The following TMEM87B variants were observed in gnomAD, a reference collection of about 807,000 sequenced individuals.
The protein encoded by TMEM87B is transmembrane protein 87B.
In TMEM87B, 83 loss-of-function variants were observed where a neutral mutation model predicts 80.3. That is an observed-to-expected ratio of 1.03 (90% CI 0.87 to 1.24). The LOEUF (loss-of-function observed/expected upper bound fraction) is 1.24, where lower values mean the gene tolerates loss of function less well. TMEM87B is among the 50% of genes most tolerant of loss of function. TMEM87B has a pLI of 0.00. For missense variants in TMEM87B, 625 were observed against 674.4 expected, an observed-to-expected ratio of 0.93 and a Z score of 0.81; for synonymous variants, 219 against 230.5, an observed-to-expected ratio of 0.95 and a Z score of 0.45.
chr2:112,116,464 C>A lies in TMEM87B; in HGVS notation c.*321C>A. 1 of 212,710 alleles carries A rather than the reference C, an allele frequency of 4.7e-6. No individual in the cohort carries two copies. Among genetic ancestry groups the A allele is most frequent in the Non-Finnish European group, 9.2e-6 (1 of 108,404 alleles). 13.2% of individuals were successfully genotyped at this position (212,710 alleles called of 1,614,324 possible). ...TCCCTCTTTTCTCTGGAACATATGA[C>A]AATTCCAGATTAAAGAAAAATGTTT... is the stretch of plus-strand genomic sequence containing the variant. On this transcript the variant is annotated 3_prime_UTR_variant, in exon 19 of 19. Coordinates refer to ENST00000283206, the MANE Select transcript of TMEM87B (RefSeq NM_032824.3).
At chr2:112,066,850 G>T in intron 3 of TMEM87B, 86 bp from the exon 4 acceptor site, 1 of 1,195,502 alleles carries the variant, frequency 8.4e-7, no homozygotes, top group Non-Finnish European at 1.1e-6. Context: ...ATATACTTTT[G>T]GTATTATTTA....
chr2:112,081,047 T>C lies in TMEM87B; in HGVS notation c.593-10T>C, dbSNP rs752537578. ...ACTGTTAATTAACTCTCTCTTCTTC[T>C]CTATCCTAGTTTCTCTTTCTATGAT... is the stretch of plus-strand genomic sequence containing the variant. On this transcript the variant is annotated splice_polypyrimidine_tract_variant and intron_variant, in intron 6 of 18. Coordinates refer to ENST00000283206, the MANE Select transcript of TMEM87B (RefSeq NM_032824.3). 3 of 1,609,740 alleles carry C rather than the reference T, an allele frequency of 1.9e-6. No homozygotes were observed. The South Asian group carries it at 3.3e-5, about 18-fold the overall frequency.
intron 15 of TMEM87B, among the ~76,000 whole-genome samples, chr2:112,104,245 C>T (rs539145242): frequency 6.6e-6 from 1 of 152,190 alleles, no homozygotes; most frequent in African/African-American, 2.4e-5. Context: ...AATTTAAAAT[C>T]TATGCTCATC....
Position 112,085,987 on chromosome 2 carries a change from T to A in TMEM87B, c.839-18T>A. On this transcript the variant is annotated intron_variant, in intron 8 of 18. Coordinates refer to ENST00000283206, the MANE Select transcript of TMEM87B (RefSeq NM_032824.3). Reference sequence around the variant, plus strand: ...CAGGTGTAGACAAAGTGAATTATTTTATTTTTTTCTTCCTCAGCCCAAGGC... The same window carrying A: ...CAGGTGTAGACAAAGTGAATTATTTAATTTTTTTCTTCCTCAGCCCAAGGC... 6 of 1,608,180 alleles carry A rather than the reference T, an allele frequency of 3.7e-6. No homozygotes were observed. The highest frequency in any genetic ancestry group is 5.1e-6 in the Non-Finnish European group (6 of 1,177,098).
At chr2:112,101,449 A>G (rs1032016404) in intron 15 of TMEM87B, among the ~76,000 whole-genome samples, 1 of 152,224 alleles carries the variant, frequency 6.6e-6, no homozygotes, top group South Asian at 2.1e-4. Context: ...CCCTTGAACA[A>G]TGTAGGGTTA....
chr2:112,095,147 C>T (rs1418097105), intron 11 of TMEM87B: 1 of 846,742 alleles, frequency 1.2e-6, no homozygotes, highest in Admixed American at 1.6e-4. Context: ...TTTCGTTTCT[C>T]TTTTCTTTTC....
intron 17 of TMEM87B, among the ~76,000 whole-genome samples, chr2:112,108,321 C>T (rs1301729535): frequency 6.6e-6 from 1 of 152,052 alleles, no homozygotes; most frequent in Non-Finnish European, 1.5e-5. Flanking sequence ...ATAGAATAGC[C>T]AAGTATGATA....
chr2:112,096,707 G>A lies in TMEM87B; in HGVS notation c.1105-337G>A, dbSNP rs575954299. On this transcript the variant is annotated intron_variant, in intron 11 of 18. Transcript: ENST00000283206. Reference sequence around the variant, plus strand: ...CAAATGGCATGTCACAATGTGATCTGTAAAGAGTGTCTCACTTAGAGGGGT... The same window carrying A: ...CAAATGGCATGTCACAATGTGATCTATAAAGAGTGTCTCACTTAGAGGGGT... Among the ~76,000 whole-genome samples, 3 of 152,378 alleles carry A rather than the reference G, an allele frequency of 2.0e-5. No homozygotes were observed. The South Asian group carries it at 6.2e-4, about 32-fold the overall frequency.
In TMEM87B at chr2:112,095,667, G is replaced by A. The variant is rs918150675; in HGVS notation, c.1105-1377G>A. On this transcript the variant is annotated intron_variant, in intron 11 of 18. Transcript: ENST00000283206. Reference sequence around the variant, plus strand: ...TTTAGAAATTGATCTTTTGTAATTTGTTGGTCATTTAGAAGATTAAAAAGC... The same window carrying A: ...TTTAGAAATTGATCTTTTGTAATTTATTGGTCATTTAGAAGATTAAAAAGC... Among the ~76,000 whole-genome samples, 4 of 152,148 alleles carry A rather than the reference G, an allele frequency of 2.6e-5. No homozygotes were observed. In the East Asian group the frequency reaches 7.7e-4, roughly 29 times the overall value.
Position 112,097,390 on chromosome 2 carries a change from A to T in TMEM87B, c.1272+99A>T, listed in dbSNP as rs148668786. The T allele has an allele frequency of 3.7e-4, 389 of 1,043,892 alleles. 3 individuals are homozygous for T. In the East Asian group the frequency reaches 0.01, roughly 28 times the overall value. The allele number at this position is 1,043,892 out of a possible 1,614,324, so 64.7% of individuals were successfully genotyped here. A position where few individuals can be genotyped will look rare whatever the true frequency, so the allele number is the denominator to read the frequency against. On this transcript the variant is annotated intron_variant, in intron 13 of 18. Coordinates refer to ENST00000283206, the MANE Select transcript of TMEM87B (RefSeq NM_032824.3). The stretch of plus-strand genomic sequence containing the variant: ...ATGCTTGCAAATAGAGGTGATTTTA[A>T]TGGAGATTTATGTTTTTACTTTGAA...
chr2:112,095,281 C>T lies in TMEM87B; in HGVS notation c.1105-1763C>T, dbSNP rs192567901. ...CCAGCCTCCCCCTCTCTCTCCTTGA[C>T]TCTGGCTTGTGCTGGTGGATATCCT... On this transcript the variant is annotated intron_variant, in intron 11 of 18. Transcript: ENST00000283206. The T allele has an allele frequency of 4.3e-4, 418 of 971,648 alleles. 2 individuals are homozygous for T. The highest frequency in any genetic ancestry group is 4.1e-3 in the African/African-American group (218 of 52,812). 60.2% of individuals were successfully genotyped at this position (971,648 alleles called of 1,614,324 possible).
chr2:112,097,176 A>G (rs1321222954), intron 12 of TMEM87B, 24 bp downstream of exon 12: 3 of 1,593,940 alleles, frequency 1.9e-6, no homozygotes, highest in Admixed American at 1.8e-5. Flanking sequence ...TTTTTCTTAC[A>G]GTAAATTATC....
rs1166720792 is a variant in TMEM87B, at chr2:112,079,956, A to C, written c.593-1101A>C. On this transcript the variant is annotated intron_variant, in intron 6 of 18. Transcript: ENST00000283206. ...TTTTTTTTTTTTTTTTTGAGACAGGAGTTCGCTCTGTCACCCAGGCTGGAG... is the reference window on the plus strand; with the variant it reads ...TTTTTTTTTTTTTTTTTGAGACAGGCGTTCGCTCTGTCACCCAGGCTGGAG... 4.0e-5 allele frequency among the ~76,000 whole-genome samples: 4 copies of C among 101,024 alleles called. No individual in the cohort carries two copies. In the Admixed American group the frequency reaches 5.6e-4, roughly 14 times the overall value. The allele number at this position is 101,024 out of a possible 152,430, so 66.3% of individuals were successfully genotyped here.
intron 1 of TMEM87B, among the ~76,000 whole-genome samples, chr2:112,057,244 G>A (rs569860470): frequency 3.8e-4 from 58 of 152,262 alleles, no homozygotes; most frequent in Admixed American, 3.1e-3. Flanking sequence ...TCTTTCATTT[G>A]TACTGCAAAT....
At chr2:112,058,571 TG>T in intron 1 of TMEM87B, among the ~76,000 whole-genome samples, 1 of 152,226 alleles carries the variant, frequency 6.6e-6, no homozygotes, top group East Asian at 1.9e-4. Context: ...AGGCCTCTTG[TG>T]GGCCCAGTAT....
chr2:112,084,883 C>G (rs908692391), intron 8 of TMEM87B, among the ~76,000 whole-genome samples: 1 of 152,154 alleles, frequency 6.6e-6, no homozygotes, highest in African/African-American at 2.4e-5. Context: ...CATTTTATTC[C>G]AGCAGTCAGC....
Position 112,064,227 on chromosome 2 carries a change from T to C in TMEM87B, c.292T>C (p.Cys98Arg), listed in dbSNP as rs1678346812. The part of the protein sequence containing the change: ...TIVWHLKYHT[C>R]HNEHSNLEEL... ...AGTGTGGCATTTGAAGTATCATACC[T>C]GTCACAATGAGCATTCTAATCTGGA... The change falls in exon 3 of 19, where the codon TGT (cysteine) becomes CGT (arginine). Residue 98 changes from cysteine (C) to arginine (R), a missense_variant. Transcript: ENST00000283206. 3 of 1,613,684 alleles carry C rather than the reference T, an allele frequency of 1.9e-6. No homozygotes were observed. The highest frequency in any genetic ancestry group is 2.2e-5 in the South Asian group (2 of 91,082).
chr2:112,081,041 T>G lies in TMEM87B; in HGVS notation c.593-16T>G. On this transcript the variant is annotated splice_polypyrimidine_tract_variant and intron_variant, in intron 6 of 18. Coordinates refer to ENST00000283206, the MANE Select transcript of TMEM87B (RefSeq NM_032824.3). The stretch of plus-strand genomic sequence containing the variant: ...AGACTGACTGTTAATTAACTCTCTC[T>G]TCTTCTCTATCCTAGTTTCTCTTTC... The G allele has an allele frequency of 6.2e-7, 1 of 1,607,288 alleles. No homozygotes were observed. The highest frequency in any genetic ancestry group is 1.7e-4 in the Middle Eastern group (1 of 6,054).
intron 5 of TMEM87B, among the ~76,000 whole-genome samples, chr2:112,076,508 T>G (rs1678821461): frequency 6.6e-6 from 1 of 151,840 alleles, no homozygotes; most frequent in Non-Finnish European, 1.5e-5. Flanking sequence ...CCCGGCTAAT[T>G]TTTGTATTTT....
Sources: gnomAD v4.1 joint callset for allele counts (sites outside exome capture counted in the v4.1 genomes callset) on GRCh38, gnomAD v4.1.1 for gene constraint, MANE v1.5 for transcripts, NCBI Gene and HGNC (gene_info 2026-07-23, HGNC 2026-07-21) for gene names.